The following SMTNL1 variants were observed in gnomAD, a reference collection of about 807,000 sequenced individuals.
SMTNL1 encodes smoothelin-like protein 1.
A neutral mutation model predicts 46.6 loss-of-function variants in SMTNL1; 41 were observed. The ratio of observed to expected loss-of-function variants is 0.88; its 90% CI spans 0.69 to 1.14. The LOEUF (loss-of-function observed/expected upper bound fraction) is 1.14, where lower values mean the gene tolerates loss of function less well. SMTNL1 is among the 50% of genes most tolerant of loss of function. SMTNL1 has a pLI of 0.00. For missense variants in SMTNL1, 591 were observed against 626.1 expected (o/e 0.94, Z 0.60); for synonymous variants, 234 against 234.2 (o/e 1.00, Z 0.01).
In SMTNL1 at chr11:57,546,553, G is replaced by T; in HGVS notation, c.1241G>T (p.Cys414Phe). ...AGCTGGAGCAGTGGTATGGCCTTCT[G>T]TGCCCTCATCCACAAGTTCTTCCCT... ...SSSWSSGMAF[C>F]ALIHKFFPDA... Residue 414 changes from cysteine to phenylalanine, a missense_variant, in exon 7 of 8, where the codon TGT (cysteine) becomes TTT (phenylalanine). Physicochemically the swap from Cys to Phe is radical, Grantham distance 205. Transcript: ENST00000527972. 6.2e-7 allele frequency: 1 copy of T among 1,614,206 alleles called. No homozygotes were observed. The highest frequency in any genetic ancestry group is 2.2e-5 in the East Asian group (1 of 44,888).
intron 1 of SMTNL1, among the ~76,000 whole-genome samples, chr11:57,540,457 A>C (rs1944864271): frequency 6.6e-6 from 1 of 152,192 alleles, no homozygotes; most frequent in Admixed American, 6.5e-5. Context: ...AACCTTAGCC[A>C]GAGAATATCC....
chr11:57,541,910 G>T (rs993298606), intron 1 of SMTNL1, among the ~76,000 whole-genome samples: 2 of 152,006 alleles, frequency 1.3e-5, no homozygotes, highest in Admixed American at 6.6e-5. Context: ...ATTCTATCTA[G>T]ATACTTCTGC....
intron 7 of SMTNL1, 82 bp downstream of exon 7, chr11:57,546,734 TTAC>T: frequency 6.7e-7 from 1 of 1,489,180 alleles, no homozygotes; most frequent in Non-Finnish European, 9.1e-7. Context: ...AGTGAGGCAG[TTAC>T]ACCGATGCTG....
In SMTNL1 at chr11:57,545,917, T is replaced by C. The variant is rs1173671063; in HGVS notation, c.954T>C (p.Pro318=). 4.3e-6 allele frequency: 7 copies of C among 1,613,140 alleles called. No homozygotes were observed. Among genetic ancestry groups the C allele is most frequent in the Admixed American group, 1.7e-5 (1 of 59,710 alleles). ...SSPSDVPQSP[P]ESPSSGEKKE... ...CCAGCGACGTGCCCCAGAGTCCCCC[T>C]GAGTCCCCTTCCTCAGGGGAGAAGA... Residue 318 remains proline, a synonymous_variant, in exon 5 of 8, where the codon CCT becomes CCC. Coordinates refer to ENST00000527972, the MANE Select transcript of SMTNL1 (RefSeq NM_001105565.3).
intron 7 of SMTNL1, among the ~76,000 whole-genome samples, chr11:57,547,326 G>A (rs1305904736): frequency 2.6e-5 from 4 of 152,166 alleles, no homozygotes; most frequent in Non-Finnish European, 5.9e-5. Flanking sequence ...CTGGAAGGTG[G>A]GAGGAGTCAT....
chr11:57,542,834 A>G lies in SMTNL1; in HGVS notation c.192A>G (p.Ala64=), dbSNP rs80123614. ...CACCAGCCGAGGACGGCATGTCAGC[A>G]GAACTCCAGGGGGAAGCAAATGGAT... ...EKAPAEDGMS[A]ELQGEANGLD... Residue 64 remains alanine, a synonymous_variant, in exon 2 of 8, where the codon GCA becomes GCG. Coordinates refer to ENST00000527972, the MANE Select transcript of SMTNL1 (RefSeq NM_001105565.3). 167,677 of 1,613,272 alleles carry G rather than the reference A, an allele frequency of 0.1. 9,630 individuals carry two copies. The highest frequency in any genetic ancestry group is 0.25 in the Middle Eastern group (1,497 of 6,062).
At chr11:57,545,615 A>AG (rs1944915410) in intron 4 of SMTNL1, among the ~76,000 whole-genome samples, 1 of 151,564 alleles carries the variant, frequency 6.6e-6, no homozygotes, top group Admixed American at 6.6e-5. Context: ...CAAAAAAAAA[A>AG]AAAAGAGAAG....
intron 1 of SMTNL1, chr11:57,541,607 C>A (rs1408901143): frequency 7.4e-7 from 1 of 1,354,556 alleles, no homozygotes; most frequent in Non-Finnish European, 9.8e-7. Context: ...CCAGGCCCAC[C>A]TTTTCCAAAA....
At chr11:57,543,525 C>G in intron 2 of SMTNL1, 99 bp from the exon 3 acceptor site, 1 of 1,529,358 alleles carries the variant, frequency 6.5e-7, no homozygotes. Context: ...GAGTGCAGCA[C>G]CGTAGTCCCA....
rs57091714 is a variant in SMTNL1 at position 57,542,104 on chromosome 11, C to CAAAA, written c.-2-530_-2-527dup. On this transcript the variant is annotated intron_variant, in intron 1 of 7. Transcript: ENST00000527972. Reference sequence around the variant, plus strand: ...GCAACATGGCAAAACCCCATCTCTACAAAAAAAAAACACACACACACACAC... The same window carrying CAAAA: ...GCAACATGGCAAAACCCCATCTCTACAAAAAAAAAAAAAACACACACACACACAC... 4.3e-4 allele frequency among the ~76,000 whole-genome samples: 59 copies of CAAAA among 138,482 alleles called. 1 individual carries two copies. The highest frequency in any genetic ancestry group is 1.6e-3 in the African/African-American group (57 of 35,804). The allele number at this position is 138,482 out of a possible 152,430, so 90.8% of individuals were successfully genotyped here.
rs893790536 is a variant in SMTNL1 at position 57,537,610 on chromosome 11, A to C, written c.-35A>C. 4.6e-5 allele frequency among the ~76,000 whole-genome samples: 7 copies of C among 152,058 alleles called. No individual in the cohort carries two copies. Among genetic ancestry groups the C allele is most frequent in the Non-Finnish European group, 8.8e-5 (6 of 67,998 alleles). On this transcript the variant is annotated 5_prime_UTR_variant, in exon 1 of 8. Transcript: ENST00000527972. ...GAGGCCACTCAGCTGGAGCAAAGAG[A>C]CAGCTCCCAAGCCACAGGCAGAAGC...
At position 57,542,623 on chromosome 11, in the gene SMTNL1, C is replaced by T. The variant is rs1200065195; in HGVS notation, c.-2-18C>T. On this transcript the variant is annotated intron_variant, in intron 1 of 7. Transcript: ENST00000527972. ...CTGGGCTGGGGCATGACCAGGTCTGCTTGTCTTCTCTTTCCAGAGATGGAG... is the reference window on the plus strand; with the variant it reads ...CTGGGCTGGGGCATGACCAGGTCTGTTTGTCTTCTCTTTCCAGAGATGGAG... 1.3e-6 allele frequency: 2 copies of T among 1,584,662 alleles called. No homozygotes were observed. The highest frequency in any genetic ancestry group is 8.6e-7 in the Non-Finnish European group (1 of 1,165,644).
At position 57,543,650 on chromosome 11, in the gene SMTNL1, G is replaced by A. The variant is rs767702187; in HGVS notation, c.759G>A (p.Gln253=). ...AGCCAGGCAGTCCCAGCGAAGAGCA[G>A]GAGCAGGACGTGGAAAAAGAGCCAG... ...EAEPGSPSEE[Q]EQDVEKEPEG... is the part of the protein sequence containing the mutation. Residue 253 remains glutamine (Q), a synonymous_variant, in exon 3 of 8, where the codon CAG becomes CAA. Transcript: ENST00000527972. The A allele has an allele frequency of 6.2e-7, 1 of 1,607,322 alleles. No individual in the cohort carries two copies. The highest frequency in any genetic ancestry group is 1.1e-5 in the South Asian group (1 of 89,178).
chr11:57,543,254 G>A lies in SMTNL1; in HGVS notation c.612G>A (p.Lys204=), dbSNP rs764421224. The change falls in exon 2 of 8, where the codon AAG becomes AAA. Residue 204 remains lysine (K), a synonymous_variant. Transcript: ENST00000527972. ...TDEEAKAESQ[K]AVVEDEAKAE... is the part of the protein sequence containing the mutation. ...AAGAGGCCAAGGCTGAATCGCAGAA[G>A]GCTGTTGTGGAGGATGAGGCTAAGG... The A allele has an allele frequency of 3.7e-6, 6 of 1,613,988 alleles. No homozygotes were observed. In the South Asian group the frequency reaches 6.6e-5, roughly 18 times the overall value.
rs182357977 is a variant in SMTNL1, at chr11:57,545,271, C to T, written c.918-610C>T. On this transcript the variant is annotated intron_variant, in intron 4 of 7. Transcript: ENST00000527972. ...CATTTTACAGATGAGGAAGCTAAGG[C>T]TCAAACAATGTGACAGTCCCAAGAT... 1.4e-3 allele frequency among the ~76,000 whole-genome samples: 218 copies of T among 152,238 alleles called. 1 individual carries two copies. Among genetic ancestry groups the T allele is most frequent in the African/African-American group, 5.1e-3 (213 of 41,542 alleles).
intron 1 of SMTNL1, among the ~76,000 whole-genome samples, 181 bp from the exon 2 acceptor site, chr11:57,542,460 C>T (rs2729382): frequency 0.45 from 68,224 of 152,066 alleles, 15,741 homozygotes; most frequent in East Asian, 0.73. Flanking sequence ...GTCAATGTAG[C>T]CCAACCATCC....
chr11:57,545,794 C>A, intron 4 of SMTNL1, 87 bp from the exon 5 acceptor site: 2 of 1,168,074 alleles, frequency 1.7e-6, no homozygotes, highest in Non-Finnish European at 2.4e-6. Flanking sequence ...TGCAGTGCCA[C>A]CCACCCTCCA....
chr11:57,549,360 G>A (rs919596506), intron 7 of SMTNL1, among the ~76,000 whole-genome samples: 2 of 151,910 alleles, frequency 1.3e-5, no homozygotes, highest in African/African-American at 4.8e-5. Flanking sequence ...TGGTCTAACA[G>A]AAGCTCCCCG....
At chr11:57,542,103 A>AC (rs1323213539) in intron 1 of SMTNL1, among the ~76,000 whole-genome samples, 160 of 51,356 alleles carry the variant, frequency 3.1e-3, no homozygotes, top group African/African-American at 0.018. Flanking sequence ...CCCCATCTCT[A>AC]CAAAAAAAAA....
Sources: gnomAD v4.1 joint callset for allele counts (sites outside exome capture counted in the v4.1 genomes callset) on GRCh38, gnomAD v4.1.1 for gene constraint, MANE v1.5 for transcripts, NCBI Gene and HGNC (gene_info 2026-07-23, HGNC 2026-07-21) for gene names.